Variants in WDR17 observed in about 807,000 individuals in gnomAD.
WDR17 encodes WD repeat domain 17.
WDR17 carries 143 observed loss-of-function variants against 161.7 expected under a neutral mutation model. That is an observed-to-expected ratio of 0.88 (90% CI 0.77 to 1.02). The LOEUF (loss-of-function observed/expected upper bound fraction) is 1.02. Among genes scored for constraint, WDR17 ranks in the 50% least tolerant of loss-of-function variants. WDR17 has a pLI of 0.00. For missense variants in WDR17, 1,469 were observed against 1,520.9 expected, an observed-to-expected ratio of 0.97 and a Z score of 0.57; for synonymous variants, 517 against 515.6, an observed-to-expected ratio of 1.00 and a Z score of -0.04.
intron 4 of WDR17, among the ~76,000 whole-genome samples, chr4:176,124,777 C>G (rs1453690298): frequency 1.3e-5 from 2 of 152,176 alleles, no homozygotes; most frequent in Non-Finnish European, 2.9e-5. Context: ...TTCTATGCTG[C>G]TGTAACCCAG....
intron 24 of WDR17, 87 bp from the exon 25 acceptor site, chr4:176,173,180 A>G (rs1750985379): frequency 5.7e-6 from 5 of 875,126 alleles, no homozygotes; most frequent in Middle Eastern, 7.0e-4. Flanking sequence ...ACTGACTGAC[A>G]GAAAATTAAT....
Position 176,179,608 on chromosome 4 carries a change from T to A in WDR17, c.*29T>A, listed in dbSNP as rs1751946929. ...AAGATTTTTGTCCATGCTTGATTTT[T>A]TTTTTTAAAGAAAAACTTTCATGGG... is the stretch of plus-strand genomic sequence containing the variant. On this transcript the variant is annotated 3_prime_UTR_variant, in exon 29 of 29. Coordinates refer to ENST00000508596, the MANE Select transcript of WDR17 (RefSeq NM_181265.4). 6.6e-7 allele frequency: 1 copy of A among 1,513,336 alleles called. No homozygotes were observed. Among genetic ancestry groups the A allele is most frequent in the Admixed American group, 2.2e-5 (1 of 45,938 alleles). The allele number at this position is 1,513,336 out of a possible 1,614,324, so 93.7% of individuals were successfully genotyped here. A position where few individuals can be genotyped will look rare whatever the true frequency, so the allele number is the denominator to read the frequency against.
At chr4:176,112,692 G>A (rs1194232813) in intron 2 of WDR17, among the ~76,000 whole-genome samples, 3 of 151,996 alleles carry the variant, frequency 2.0e-5, no homozygotes, top group Non-Finnish European at 2.9e-5. Flanking sequence ...TTTCTTAGCA[G>A]TAAAGGACCT....
intron 4 of WDR17, among the ~76,000 whole-genome samples, chr4:176,124,508 G>A (rs1345108659): frequency 5.9e-5 from 9 of 152,234 alleles, no homozygotes; most frequent in East Asian, 1.9e-4. Flanking sequence ...TTTAAAATGT[G>A]CACCACTATT....
At chr4:176,135,055 T>G in intron 7 of WDR17, 53 bp from the exon 8 acceptor site, 1 of 1,553,736 alleles carries the variant, frequency 6.4e-7, no homozygotes, top group Non-Finnish European at 8.8e-7. Context: ...GTTCATCTAT[T>G]AATAATGTGA....
intron 22 of WDR17, 60 bp downstream of exon 22, chr4:176,163,353 T>C (rs1749326124): frequency 6.5e-7 from 1 of 1,530,714 alleles, no homozygotes; most frequent in Non-Finnish European, 8.8e-7. Flanking sequence ...TTTAAAACAT[T>C]ATAAATTCCA....
At chr4:176,133,978 G>T (rs908618583) in intron 7 of WDR17, among the ~76,000 whole-genome samples, 1 of 151,616 alleles carries the variant, frequency 6.6e-6, no homozygotes, top group Non-Finnish European at 1.5e-5. Context: ...AAATTTTAAG[G>T]CATAGCAGTG....
rs1561210695 is a variant in WDR17 at position 176,167,664 on chromosome 4, A to AAAC, written c.2991-1006_2991-1005insCAA. Among the ~76,000 whole-genome samples the AAAC allele has an allele frequency of 2.5e-3, 373 of 146,910 alleles. 13 individuals are homozygous for AAAC. The highest frequency in any genetic ancestry group is 0.021 in the Middle Eastern group (6 of 288). On this transcript the variant is annotated intron_variant, in intron 22 of 28. Coordinates refer to ENST00000508596, the MANE Select transcript of WDR17 (RefSeq NM_181265.4). ...CGTCTCAAAAAAAAAAAAAAAAAAAAAAAAAAAACAATATCTTGAATTATT... is the reference window on the plus strand; with the variant it reads ...CGTCTCAAAAAAAAAAAAAAAAAAAAAACAAAAAAAACAATATCTTGAATTATT...
intron 10 of WDR17, among the ~76,000 whole-genome samples, chr4:176,141,749 A>C (rs912484086): frequency 5.9e-5 from 9 of 152,192 alleles, no homozygotes; most frequent in African/African-American, 2.2e-4. Flanking sequence ...ATAGTTTTTA[A>C]ATCAAAATTT....
intron 1 of WDR17, among the ~76,000 whole-genome samples, chr4:176,072,777 A>G (rs1733409160): frequency 6.6e-6 from 1 of 152,164 alleles, no homozygotes; most frequent in African/African-American, 2.4e-5. Context: ...TTAGGGTTTT[A>G]TTTTTTAGTA....
intron 12 of WDR17, among the ~76,000 whole-genome samples, chr4:176,147,658 T>G (rs1746399391): frequency 6.6e-6 from 1 of 152,200 alleles, no homozygotes; most frequent in African/African-American, 2.4e-5. Flanking sequence ...CCACTTTGGT[T>G]ATAGCTGTTT....
intron 6 of WDR17, 140 bp downstream of exon 6, chr4:176,129,000 A>C: frequency 1.5e-6 from 1 of 686,460 alleles, no homozygotes; most frequent in Non-Finnish European, 2.2e-6. Flanking sequence ...ATATGTGCTC[A>C]AGGATCCATC....
At chr4:176,104,820 TGAG>T (rs1304960854) in intron 1 of WDR17, among the ~76,000 whole-genome samples, 1 of 151,852 alleles carries the variant, frequency 6.6e-6, no homozygotes, top group Non-Finnish European at 1.5e-5. Flanking sequence ...TTGCAGGAAA[TGAG>T]GACAAAAAAA....
intron 1 of WDR17, among the ~76,000 whole-genome samples, chr4:176,106,245 C>A (rs757399924): frequency 1.3e-5 from 2 of 151,526 alleles, no homozygotes; most frequent in African/African-American, 2.4e-5. Context: ...GTTATATAGA[C>A]CAGTGGAATA....
intron 22 of WDR17, among the ~76,000 whole-genome samples, chr4:176,167,422 G>A (rs868010019): frequency 4.6e-5 from 7 of 151,416 alleles, no homozygotes; most frequent in South Asian, 2.1e-4. Context: ...CGAGGCGGGC[G>A]GATCACGAGG....
chr4:176,118,434 G>A (rs1009261804), intron 3 of WDR17, among the ~76,000 whole-genome samples: 1 of 151,984 alleles, frequency 6.6e-6, no homozygotes, highest in Non-Finnish European at 1.5e-5. Flanking sequence ...TATTTTACTG[G>A]CGTTTTTCAT....
chr4:176,155,383 A>G (rs1000429334), intron 17 of WDR17, among the ~76,000 whole-genome samples: 6 of 151,876 alleles, frequency 4.0e-5, no homozygotes, highest in African/African-American at 1.4e-4. Context: ...GCAATAAAAA[A>G]TAAATATTTT....
chr4:176,142,134 G>C, intron 11 of WDR17, 65 bp downstream of exon 11: 2 of 1,333,736 alleles, frequency 1.5e-6, no homozygotes, highest in Non-Finnish European at 2.1e-6. Flanking sequence ...TAACCATAAA[G>C]TTTAGTGCTA....
intron 6 of WDR17, 40 bp from the exon 7 acceptor site, chr4:176,131,514 T>G: frequency 6.5e-7 from 1 of 1,537,824 alleles, no homozygotes. Flanking sequence ...TTAAGCTCTG[T>G]GGTTTCATTC....
Sources: allele counts gnomAD v4.1 joint callset (sites outside exome capture counted in the v4.1 genomes callset), GRCh38; gene constraint gnomAD v4.1.1; transcripts MANE v1.5; gene names NCBI Gene and HGNC (gene_info 2026-07-23, HGNC 2026-07-21).